Variants in UGT2B4 observed in about 807,000 individuals in gnomAD.
UGT2B4 encodes the protein UDP-glucuronosyltransferase 2B4.
Under a neutral mutation model 49.8 loss-of-function variants are expected in UGT2B4, and 49 were observed. The ratio of observed to expected loss-of-function variants is 0.98; its 90% CI spans 0.78 to 1.25. The LOEUF is 1.25. Among genes scored for constraint, UGT2B4 ranks in the 50% most tolerant of loss-of-function variants. UGT2B4 has a pLI of 0.00. For missense variants in UGT2B4, 729 were observed against 627.7 expected, an observed-to-expected ratio of 1.16 and a Z score of -1.73; for synonymous variants, 246 against 217.7, an observed-to-expected ratio of 1.13 and a Z score of -1.14.
At chr4:69,500,606 G>GCAAGAAAGCAAGAAGAAAGAAAGA (rs1553896493), upstream of UGT2B4, among the ~76,000 whole-genome samples, 20 of 99,598 alleles carry the variant, frequency 2.0e-4, no homozygotes, top group South Asian at 3.5e-4. Flanking sequence ...AGAAAGCAAG[G>GCAAGAAAGCAAGAAGAAAGAAAGA]AAGAAAGAAA....
intron 2 of UGT2B4, among the ~76,000 whole-genome samples, chr4:69,491,140 A>G (rs1015397647): frequency 6.6e-6 from 1 of 151,970 alleles, no homozygotes; most frequent in Non-Finnish European, 1.5e-5. Flanking sequence ...TACACTTGTG[A>G]CGTTTATTTA....
chr4:69,495,636 CT>C lies in UGT2B4; in HGVS notation c.225del (p.Val76PhefsTer6), dbSNP rs1363473388. 6.2e-7 allele frequency: 1 copy of C among 1,613,960 alleles called. No individual in the cohort carries two copies. The highest frequency in any genetic ancestry group is 1.7e-5 in the Admixed American group (1 of 59,978). On this transcript the variant is annotated frameshift_variant, in exon 1 of 6. Coordinates refer to ENST00000305107, the MANE Select transcript of UGT2B4 (RefSeq NM_021139.3). LOFTEE classifies it high-confidence loss of function. Reference sequence around the variant, plus strand: ...GTTTTAGTTAAAGATACAGGATAAACTTCAAATTTAAGAGTAGATGGGCTGT... The same window carrying C: ...GTTTTAGTTAAAGATACAGGATAAACTCAAATTTAAGAGTAGATGGGCTGT... Reference protein sequence around the residue: ...DPNSPSTLKFEVYPVSLTKTE... With the variant: ...DPNSPSTLKFXVYPVSLTKTE...
intron 1 of UGT2B4, among the ~76,000 whole-genome samples, chr4:69,512,780 C>T (rs960339401): frequency 1.3e-5 from 2 of 151,938 alleles, no homozygotes; most frequent in African/African-American, 4.8e-5. Flanking sequence ...TAGCCATTTG[C>T]ACTGGTATGA....
intron 1 of UGT2B4, among the ~76,000 whole-genome samples, chr4:69,504,312 A>G (rs554908072): frequency 4.6e-4 from 70 of 152,274 alleles, no homozygotes; most frequent in African/African-American, 1.6e-3. Flanking sequence ...ACCCAAAAAC[A>G]AGAAAGTCAA....
intron 1 of UGT2B4, among the ~76,000 whole-genome samples, chr4:69,511,099 C>G: frequency 6.7e-6 from 1 of 149,596 alleles, no homozygotes; most frequent in Admixed American, 6.7e-5. Context: ...TCAAGCAATT[C>G]TCCTACCCTA....
intron 1 of UGT2B4, among the ~76,000 whole-genome samples, chr4:69,502,110 T>C (rs1187939574): frequency 8.3e-6 from 1 of 120,172 alleles, no homozygotes; most frequent in Non-Finnish European, 1.7e-5. Flanking sequence ...TCTTTCTTTC[T>C]TTCTTTCTTT....
intron 1 of UGT2B4, among the ~76,000 whole-genome samples, chr4:69,500,952 C>G (rs1021549142): frequency 2.0e-5 from 3 of 152,056 alleles, no homozygotes; most frequent in African/African-American, 4.8e-5. Context: ...TCTGGGCTTC[C>G]TGGCAAAAGT....
chr4:69,509,823 G>T (rs569589357), intron 1 of UGT2B4, among the ~76,000 whole-genome samples: 3 of 151,516 alleles, frequency 2.0e-5, no homozygotes, highest in Admixed American at 1.3e-4. Flanking sequence ...ACTGTTGACT[G>T]TTTTCTTTGC....
chr4:69,492,800 A>G (rs1728029745), intron 2 of UGT2B4, among the ~76,000 whole-genome samples: 1 of 152,138 alleles, frequency 6.6e-6, no homozygotes, highest in Non-Finnish European at 1.5e-5. Flanking sequence ...AAAAGTAGGC[A>G]TAGGTAATTC....
intron 5 of UGT2B4, 26 bp downstream of exon 5, chr4:69,485,182 C>A: frequency 6.2e-7 from 1 of 1,612,450 alleles, no homozygotes; most frequent in Non-Finnish European, 8.5e-7. Flanking sequence ...ATAAAGACCA[C>A]CGAGTAAAAA....
In UGT2B4 at chr4:69,495,882, G is replaced by C. The variant is rs374136413; in HGVS notation, c.-21C>G. 2 of 1,552,700 alleles carry C rather than the reference G, an allele frequency of 1.3e-6. No individual in the cohort carries two copies. Among genetic ancestry groups the C allele is most frequent in the Non-Finnish European group, 1.7e-6 (2 of 1,153,026 alleles). ...GACATCCTGATGCAATGCAATGCTT[G>C]TTTTCCAGTTGCTGCTCCTTTCTGT... is the stretch of plus-strand genomic sequence containing the variant. On this transcript the variant is annotated 5_prime_UTR_variant, in exon 1 of 6. Transcript: ENST00000305107.
chr4:69,505,147 A>G (rs1011113276), intron 1 of UGT2B4, among the ~76,000 whole-genome samples: 1 of 152,234 alleles, frequency 6.6e-6, no homozygotes, highest in African/African-American at 2.4e-5. Flanking sequence ...TAGTGACACT[A>G]TAAATCAACC....
chr4:69,501,381 A>G (rs1594591), intron 1 of UGT2B4, among the ~76,000 whole-genome samples: 19,699 of 151,826 alleles, frequency 0.13, 1,724 homozygotes, highest in Non-Finnish European at 0.19. Flanking sequence ...GCTTCTAGCC[A>G]CCCCAATCAG....
chr4:69,519,235 AACAG>A (rs1313209756), intron 1 of UGT2B4, among the ~76,000 whole-genome samples: 6 of 152,234 alleles, frequency 3.9e-5, no homozygotes, highest in African/African-American at 1.2e-4. Context: ...AAGTAATTCT[AACAG>A]ACAGCCATGA....
At chr4:69,506,924 G>T (rs1030070684) in intron 1 of UGT2B4, among the ~76,000 whole-genome samples, 3 of 151,964 alleles carry the variant, frequency 2.0e-5, no homozygotes, top group Admixed American at 2.0e-4. Context: ...CTCAGCCTAC[G>T]GAAATAAATA....
chr4:69,489,633 A>G, intron 2 of UGT2B4, 63 bp from the exon 3 acceptor site: 2 of 1,545,682 alleles, frequency 1.3e-6, no homozygotes, highest in African/African-American at 1.4e-5. Context: ...ACTGTGAAAG[A>G]ATTGTTATAA....
upstream of UGT2B4, among the ~76,000 whole-genome samples, chr4:69,498,818 C>A (rs953222206): frequency 5.9e-5 from 9 of 151,754 alleles, no homozygotes; most frequent in African/African-American, 1.9e-4. Context: ...AGAAACAGCT[C>A]CTGGATTTGT....
intron 1 of UGT2B4, among the ~76,000 whole-genome samples, chr4:69,502,142 T>TTTCTTTCTTTC (rs1728352580): frequency 7.2e-6 from 1 of 138,162 alleles, no homozygotes; most frequent in Non-Finnish European, 1.6e-5. Context: ...TCTTTCTTTC[T>TTTCTTTCTTTC]TTCTTTCTCT....
intron 5 of UGT2B4, among the ~76,000 whole-genome samples, chr4:69,484,355 C>T (rs987499431): frequency 3.3e-5 from 5 of 152,042 alleles, no homozygotes; most frequent in African/African-American, 9.6e-5. Context: ...CTCCTAATAG[C>T]CACAACTGGA....
Sources: allele counts gnomAD v4.1 joint callset (sites outside exome capture counted in the v4.1 genomes callset), GRCh38; gene constraint gnomAD v4.1.1; transcripts MANE v1.5; gene names NCBI Gene and HGNC (gene_info 2026-07-23, HGNC 2026-07-21).